The following PGM1 variants were observed in gnomAD, a reference collection of about 807,000 sequenced individuals.
PGM1 encodes phosphoglucomutase-1.
PGM1 carries 52 observed loss-of-function variants against 55.6 expected under a neutral mutation model. The observed-to-expected ratio is 0.94, with a 90% CI of 0.75 to 1.18. The LOEUF (loss-of-function observed/expected upper bound fraction) is 1.18, where lower values mean the gene tolerates loss of function less well. Ranked by LOEUF, PGM1 falls within the 50% of genes most tolerant of loss-of-function variation. The probability of loss-of-function intolerance (pLI) is 0.00; values close to 1 mark genes in which losing one functional copy is unlikely to be tolerated. For synonymous variants in PGM1, 287 were observed against 271.7 expected, an observed-to-expected ratio of 1.06 and a Z score of -0.55; for missense variants, 724 against 729.3, an observed-to-expected ratio of 0.99 and a Z score of 0.08.
intron 10 of PGM1, among the ~76,000 whole-genome samples, chr1:63,659,069 C>G (rs1650041771): frequency 6.6e-6 from 1 of 152,184 alleles, no homozygotes; most frequent in South Asian, 2.1e-4. Flanking sequence ...CACCGGGTCC[C>G]TCCCACAACA....
At chr1:63,635,477 A>G (rs950547423) in intron 5 of PGM1, among the ~76,000 whole-genome samples, 14 of 152,196 alleles carry the variant, frequency 9.2e-5, no homozygotes, top group African/African-American at 3.1e-4. Context: ...GAGAATTAAC[A>G]TTTTAATCAT....
At chr1:63,631,525 A>G in intron 3 of PGM1, 132 bp from the exon 4 acceptor site, 1 of 812,428 alleles carries the variant, frequency 1.2e-6, no homozygotes, top group Non-Finnish European at 2.1e-6. Context: ...TAACAGCCGT[A>G]TTATTGGAGC....
At chr1:63,595,448 T>C (rs1042609548) in intron 1 of PGM1, among the ~76,000 whole-genome samples, 1 of 152,234 alleles carries the variant, frequency 6.6e-6, no homozygotes, top group Non-Finnish European at 1.5e-5. Context: ...CTCCAAAATC[T>C]AAACTGGGCT....
At chr1:63,656,989 A>G (rs894361912) in intron 10 of PGM1, among the ~76,000 whole-genome samples, 1 of 152,220 alleles carries the variant, frequency 6.6e-6, no homozygotes, top group African/African-American at 2.4e-5. Context: ...CACCACCACA[A>G]CAAAAAAGGT....
rs886116044 is a variant in PGM1, at chr1:63,648,661, C to T, written c.1280+9C>T. The T allele has an allele frequency of 3.1e-6, 5 of 1,613,550 alleles. No individual in the cohort carries two copies. The highest frequency in any genetic ancestry group is 4.2e-6 in the Non-Finnish European group (5 of 1,179,864). ...CGGAATTTCTTCACCAGGTGAGCCA[C>T]AGCCCAGCTGGGGTACAAGGTAAGG... On this transcript the variant is annotated intron_variant, in intron 8 of 10. Transcript: ENST00000371084.
chr1:63,614,172 G>A (rs147833741), intron 1 of PGM1, among the ~76,000 whole-genome samples: 2 of 152,242 alleles, frequency 1.3e-5, no homozygotes, highest in African/African-American at 4.8e-5. Context: ...ACTCTTAATT[G>A]ATTGGTATTT....
intron 10 of PGM1, among the ~76,000 whole-genome samples, chr1:63,656,571 G>GGT (rs10629750): frequency 0.13 from 19,133 of 144,110 alleles, 1,427 homozygotes; most frequent in African/African-American, 0.23. Flanking sequence ...AAGACATTGT[G>GGT]GTGTGTGTGT....
rs1650073936 is a variant in PGM1, at chr1:63,659,930, T to C, written c.*255T>C. On this transcript the variant is annotated 3_prime_UTR_variant, in exon 11 of 11. Transcript: ENST00000371084. ...CCCTCCTGCATTGCTGCTGCGTGGGTATTTGTCTCCTTAGCCATCAGGTAC... is the reference window on the plus strand; with the variant it reads ...CCCTCCTGCATTGCTGCTGCGTGGGCATTTGTCTCCTTAGCCATCAGGTAC... The C allele has an allele frequency of 1.7e-6, 1 of 584,092 alleles. No homozygotes were observed. The highest frequency in any genetic ancestry group is 3.1e-6 in the Non-Finnish European group (1 of 323,258). The allele number at this position is 584,092 out of a possible 1,614,324, so 36.2% of individuals were successfully genotyped here.
At chr1:63,631,563 C>T in intron 3 of PGM1, 94 bp from the exon 4 acceptor site, 1 of 1,160,112 alleles carries the variant, frequency 8.6e-7, no homozygotes. Flanking sequence ...TTTAAAATAG[C>T]AATAGCAGGT....
chr1:63,596,861 C>T (rs1648088737), intron 1 of PGM1, among the ~76,000 whole-genome samples: 1 of 152,198 alleles, frequency 6.6e-6, no homozygotes, highest in African/African-American at 2.4e-5. Context: ...TCTGCAATGC[C>T]TAGGACTATG....
chr1:63,593,993 C>CCTCCCAAGGTCACGCCCGACT, intron 1 of PGM1: 1 of 1,167,508 alleles, frequency 8.6e-7, no homozygotes. Context: ...GGGCGCGGAG[C>CCTCCCAAGGTCACGCCCGACT]CTCCCAAGGT....
chr1:63,652,448 A>G (rs1474048430), intron 9 of PGM1, among the ~76,000 whole-genome samples: 2 of 152,148 alleles, frequency 1.3e-5, no homozygotes, highest in Non-Finnish European at 2.9e-5. Context: ...CTAGATGTGG[A>G]CAGAATTGTT....
chr1:63,622,174 G>C (rs751496633), intron 1 of PGM1, among the ~76,000 whole-genome samples: 1 of 151,948 alleles, frequency 6.6e-6, no homozygotes, highest in South Asian at 2.1e-4. Context: ...ACGGGTGCAC[G>C]CCACCATGCC....
intron 9 of PGM1, among the ~76,000 whole-genome samples, chr1:63,653,555 A>G (rs1649876722): frequency 6.6e-6 from 1 of 152,176 alleles, no homozygotes; most frequent in African/African-American, 2.4e-5. Flanking sequence ...CAGAGGATGG[A>G]TAGACTCATA....
At chr1:63,619,016 G>A (rs532971354) in intron 1 of PGM1, among the ~76,000 whole-genome samples, 161 of 152,316 alleles carry the variant, frequency 1.1e-3, no homozygotes, top group African/African-American at 3.7e-3. Context: ...CAGGCTGTCA[G>A]CAGCAGTTCT....
rs1648287488 is a variant in PGM1 at position 63,603,025 on chromosome 1, T to G, written c.246+9291T>G. On this transcript the variant is annotated intron_variant, in intron 1 of 10. Coordinates refer to ENST00000371084, the MANE Select transcript of PGM1 (RefSeq NM_002633.3). ...CCTGAAGGTGAAGAGCAGAGAGGAATGTTCCAGGCAGAACCATAGGTGAGA... is the reference window on the plus strand; with the variant it reads ...CCTGAAGGTGAAGAGCAGAGAGGAAGGTTCCAGGCAGAACCATAGGTGAGA... 2.0e-5 allele frequency among the ~76,000 whole-genome samples: 3 copies of G among 152,202 alleles called. No homozygotes were observed. In the South Asian group the frequency reaches 6.2e-4, roughly 32 times the overall value.
At chr1:63,608,481 C>A (rs1288487258) in intron 1 of PGM1, among the ~76,000 whole-genome samples, 1 of 152,182 alleles carries the variant, frequency 6.6e-6, no homozygotes, top group Non-Finnish European at 1.5e-5. Flanking sequence ...CCCACCTCGA[C>A]TGTGTGAAAT....
intron 1 of PGM1, among the ~76,000 whole-genome samples, chr1:63,613,259 CTTTT>C (rs11377805): frequency 5.6e-5 from 6 of 107,868 alleles, no homozygotes; most frequent in African/African-American, 2.0e-4. Flanking sequence ...GTTGGCTTAT[CTTTT>C]TTTTTTTTTT....
At chr1:63,633,930 A>ATTTTTATTTTTATT (rs200244789) in intron 4 of PGM1, among the ~76,000 whole-genome samples, 6 of 71,304 alleles carry the variant, frequency 8.4e-5, no homozygotes, top group African/African-American at 1.7e-4. Context: ...ATATATATAT[A>ATTTTTATTTTTATT]TATTTTTTTT....
Sources: allele counts gnomAD v4.1 joint callset (sites outside exome capture counted in the v4.1 genomes callset), GRCh38; gene constraint gnomAD v4.1.1; transcripts MANE v1.5; gene names NCBI Gene and HGNC (gene_info 2026-07-23, HGNC 2026-07-21).